The following EYS variants were observed in gnomAD, a reference collection of about 807,000 sequenced individuals.
EYS encodes EGF-like photoreceptor maintenance factor.
A neutral mutation model predicts 282.1 loss-of-function variants in EYS; 250 were observed. The observed-to-expected ratio is 0.89, with a 90% CI of 0.80 to 0.98. The LOEUF is 0.98. EYS is among the 50% of genes least tolerant of loss of function. The pLI is 0.00. For missense variants in EYS, 4,016 were observed against 3,709.0 expected (o/e 1.08, Z -2.15); for synonymous variants, 1,355 against 1,282.9 (o/e 1.06, Z -1.20).
chr6:64,589,599 G>A (rs969389102), intron 26 of EYS, among the ~76,000 whole-genome samples: 4 of 151,990 alleles, frequency 2.6e-5, no homozygotes, highest in Non-Finnish European at 5.9e-5. Flanking sequence ...TGTTATATGA[G>A]AAAACTGGCT....
intron 30 of EYS, among the ~76,000 whole-genome samples, chr6:64,255,752 C>T (rs7748983): frequency 0.7 from 105,653 of 151,560 alleles, 36,775 homozygotes; most frequent in Admixed American, 0.72. Context: ...CGTATTAAAA[C>T]GATATATTCA....
chr6:65,588,770 C>T (rs1167434527), intron 2 of EYS, among the ~76,000 whole-genome samples: 1 of 152,010 alleles, frequency 6.6e-6, no homozygotes, highest in Admixed American at 6.6e-5. Context: ...GTGTCTCTTG[C>T]AGGATTCTAT....
chr6:64,477,190 A>G (rs546395595), intron 26 of EYS, among the ~76,000 whole-genome samples: 4 of 152,234 alleles, frequency 2.6e-5, no homozygotes, highest in East Asian at 3.9e-4. Context: ...TGATTCTTCA[A>G]TGAAAAATAA....
intron 35 of EYS, among the ~76,000 whole-genome samples, chr6:63,937,345 CTTTTTTTTTTTTTTTTTTTTTTTTTTTTT>C (rs778809745): frequency 1.0e-3 from 56 of 54,490 alleles, no homozygotes; most frequent in East Asian, 6.5e-3. Flanking sequence ...TCTCTCTTTT[CTTTTTTTTTTTTTTTTTTTTTTTTTTTTT>C]TTTTTTTTTT....
At chr6:64,943,311 C>A (rs1299680989) in intron 15 of EYS, among the ~76,000 whole-genome samples, 4 of 152,196 alleles carry the variant, frequency 2.6e-5, no homozygotes, top group African/African-American at 9.6e-5. Flanking sequence ...AGCCTCACAA[C>A]TTCTATTCAA....
chr6:64,889,044 T>C (rs1767190597), intron 18 of EYS, among the ~76,000 whole-genome samples: 1 of 152,108 alleles, frequency 6.6e-6, no homozygotes, highest in South Asian at 2.1e-4. Context: ...ATCTACTTTG[T>C]ATTTTGAAAT....
In EYS at chr6:63,828,504, CAAG is replaced by C. The variant is rs1215853103; in HGVS notation, c.7229-22135_7229-22133del. 2.6e-5 allele frequency among the ~76,000 whole-genome samples: 4 copies of C among 152,182 alleles called. No individual in the cohort carries two copies. In the East Asian group the frequency reaches 5.8e-4, roughly 22 times the overall value. ...AAAATACAACCCTTCCAGCACAAAT[CAAG>C]AAGAATTACATAACCTGAAGAGAAC... On this transcript the variant is annotated intron_variant, in intron 36 of 42. Transcript: ENST00000503581.
At chr6:64,005,596 T>C (rs1231654475) in intron 33 of EYS, among the ~76,000 whole-genome samples, 2 of 152,204 alleles carry the variant, frequency 1.3e-5, no homozygotes, top group African/African-American at 4.8e-5. Flanking sequence ...GTTTTTATAG[T>C]TTTGGGTTTT....
At chr6:65,479,936 AG>A (rs1562210034) in intron 5 of EYS, among the ~76,000 whole-genome samples, 1 of 151,426 alleles carries the variant, frequency 6.6e-6, no homozygotes, top group Non-Finnish European at 1.5e-5. Flanking sequence ...CAGGTGGATC[AG>A]GAGGTCAGGA....
chr6:64,994,519 C>T (rs561072814), intron 14 of EYS, among the ~76,000 whole-genome samples: 10 of 152,094 alleles, frequency 6.6e-5, no homozygotes, highest in African/African-American at 1.4e-4. Flanking sequence ...TAGGCAAATG[C>T]GAATGTTTTA....
intron 2 of EYS, among the ~76,000 whole-genome samples, chr6:65,572,632 A>G (rs1333352642): frequency 6.6e-6 from 1 of 152,162 alleles, no homozygotes; most frequent in Non-Finnish European, 1.5e-5. Flanking sequence ...GATCAGAGCA[A>G]CAGGCGATAC....
At chr6:65,141,275 A>C (rs893704695) in intron 12 of EYS, among the ~76,000 whole-genome samples, 2 of 152,082 alleles carry the variant, frequency 1.3e-5, no homozygotes, top group Non-Finnish European at 2.9e-5. Context: ...TCTCACTCAT[A>C]GGTGGGAATT....
At chr6:64,535,793 T>C (rs1002319178) in intron 26 of EYS, among the ~76,000 whole-genome samples, 1 of 152,080 alleles carries the variant, frequency 6.6e-6, no homozygotes, top group Non-Finnish European at 1.5e-5. Flanking sequence ...CATTGACGGA[T>C]TAAAATGATT....
chr6:64,123,589 T>C (rs1203362161), intron 31 of EYS, among the ~76,000 whole-genome samples: 1 of 152,172 alleles, frequency 6.6e-6, no homozygotes, highest in Non-Finnish European at 1.5e-5. Flanking sequence ...TTATCGTTCC[T>C]AACTGCCAGC....
At chr6:65,410,821 T>C (rs187622594) in intron 5 of EYS, among the ~76,000 whole-genome samples, 1 of 151,800 alleles carries the variant, frequency 6.6e-6, no homozygotes, top group African/African-American at 2.4e-5. Flanking sequence ...GAAGAATGGA[T>C]AAAGAAAATG....
intron 28 of EYS, among the ~76,000 whole-genome samples, chr6:64,390,042 A>C (rs1263608755): frequency 6.6e-6 from 1 of 151,134 alleles, no homozygotes; most frequent in Non-Finnish European, 1.5e-5. Flanking sequence ...GGTCACTCCC[A>C]CCCGAATACT....
At chr6:64,486,811 G>C (rs1776590677) in intron 26 of EYS, among the ~76,000 whole-genome samples, 1 of 151,276 alleles carries the variant, frequency 6.6e-6, no homozygotes, top group African/African-American at 2.4e-5. Context: ...ACTTTGGAAG[G>C]CTTTTAAGAG....
chr6:65,183,317 T>A (rs1027829098), intron 12 of EYS, among the ~76,000 whole-genome samples: 2 of 151,922 alleles, frequency 1.3e-5, no homozygotes, highest in East Asian at 2.0e-4. Context: ...TTAAACATTT[T>A]AAGCTTTGCT....
At chr6:65,160,014 TCC>T (rs1378055068) in intron 12 of EYS, among the ~76,000 whole-genome samples, 1 of 151,096 alleles carries the variant, frequency 6.6e-6, no homozygotes, top group East Asian at 2.0e-4. Flanking sequence ...CTAGAATATT[TCC>T]CACCACTGTT....
Sources: allele counts gnomAD v4.1 joint callset (sites outside exome capture counted in the v4.1 genomes callset), GRCh38; gene constraint gnomAD v4.1.1; transcripts MANE v1.5; gene names NCBI Gene and HGNC (gene_info 2026-07-23, HGNC 2026-07-21).